Variants in RBM45 observed in about 807,000 individuals in gnomAD.
RBM45 encodes the protein RNA-binding protein 45.
Under a neutral mutation model 58.5 loss-of-function variants are expected in RBM45, and 39 were observed. That is an observed-to-expected ratio of 0.67 (90% CI 0.52 to 0.87). The LOEUF is 0.87. RBM45 is among the 40% of genes least tolerant of loss of function. RBM45 has a pLI of 0.00. For missense variants in RBM45, 481 were observed against 581.6 expected (o/e 0.83, Z 1.78); for synonymous variants, 193 against 203.0 (o/e 0.95, Z 0.42).
chr2:178,112,951 C>A, intron 1 of RBM45, 105 bp downstream of exon 1: 1 of 1,238,374 alleles, frequency 8.1e-7, no homozygotes. Context: ...AACATCCGTT[C>A]CCGGCAGCTG....
Position 178,134,705 on chromosome 2 carries a change from A to G in RBM45, c.*9-1758A>G, listed in dbSNP as rs145774762. Among the ~76,000 whole-genome samples, 650 of 152,242 alleles carry G rather than the reference A, an allele frequency of 4.3e-3. 3 individuals carry two copies. Among genetic ancestry groups the G allele is most frequent in the East Asian group, 0.017 (89 of 5,180 alleles). On this transcript the variant is annotated intron_variant, in intron 3 of 3. Transcript: ENST00000455903. ...TTTTCTCTCTTTGTCAACAAAGCCT[A>G]TCTGGGCCGGGCGCAGTGGCTGACG... is the stretch of plus-strand genomic sequence containing the variant.
At chr2:178,123,984 T>C (rs114559893) in intron 7 of RBM45, 72 bp downstream of exon 7, 18,919 of 1,516,716 alleles carry the variant, frequency 0.012, 230 homozygotes, top group East Asian at 0.055. Flanking sequence ...GAAATCATGC[T>C]TTGTTGATTA....
At chr2:178,130,401 T>C (rs1380691460), downstream of RBM45, among the ~76,000 whole-genome samples, 1 of 152,066 alleles carries the variant, frequency 6.6e-6, no homozygotes, top group African/African-American at 2.4e-5. Flanking sequence ...GGTGTGTGCC[T>C]GCAGTCCCAG....
At chr2:178,113,332 T>A (rs1170185824) in intron 1 of RBM45, among the ~76,000 whole-genome samples, 1 of 152,080 alleles carries the variant, frequency 6.6e-6, no homozygotes, top group Non-Finnish European at 1.5e-5. Context: ...GAGGGACCTC[T>A]GGTGTTGGAC....
downstream of RBM45, among the ~76,000 whole-genome samples, chr2:178,131,397 A>T (rs531799553): frequency 6.6e-6 from 1 of 152,326 alleles, no homozygotes; most frequent in East Asian, 1.9e-4. Flanking sequence ...AATCTTCACA[A>T]TTGAGATAAG....
chr2:178,127,935 G>C (rs2153906346), intron 9 of RBM45, among the ~76,000 whole-genome samples: 1 of 147,454 alleles, frequency 6.8e-6, no homozygotes, highest in South Asian at 2.2e-4. Context: ...ACATGTTAAA[G>C]AGAATATTGG....
chr2:178,117,010 A>T (rs1195399089), intron 2 of RBM45, among the ~76,000 whole-genome samples: 1 of 152,194 alleles, frequency 6.6e-6, no homozygotes, highest in Non-Finnish European at 1.5e-5. Context: ...GGATAATTTT[A>T]TGTCTTTTTA....
chr2:178,124,109 T>C lies in RBM45; in HGVS notation c.1069-18T>C, dbSNP rs369190430. ...AAAGGGCATTTTTTTCTTTTTCTTG[T>C]TTTCTACCTGTTAACAGCAATTTGG... On this transcript the variant is annotated intron_variant, in intron 7 of 9. Transcript: ENST00000286070. The C allele has an allele frequency of 3.8e-6, 6 of 1,575,902 alleles. No individual in the cohort carries two copies. The highest frequency in any genetic ancestry group is 4.3e-6 in the Non-Finnish European group (5 of 1,167,218).
intron 1 of RBM45, among the ~76,000 whole-genome samples, chr2:178,114,304 A>C (rs1390338335): frequency 6.6e-6 from 1 of 152,126 alleles, no homozygotes; most frequent in Non-Finnish European, 1.5e-5. Context: ...CTTAGTGGAG[A>C]GGATTTTTAT....
chr2:178,125,984 T>A lies in RBM45; in HGVS notation c.1233T>A (p.Cys411Ter), dbSNP rs1396544570. The A allele has an allele frequency of 6.2e-7, 1 of 1,610,790 alleles. No individual in the cohort carries two copies. The highest frequency in any genetic ancestry group is 8.5e-7 in the Non-Finnish European group (1 of 1,177,916). ...LPLDVLEDIF[C>*]RFGNLIEVYL... is the part of the protein sequence containing the mutation. ...GATTATTTTTTTCACTTTGTTTCAG[T>A]CGTTTTGGTAACCTGATCGAAGTTT... The change falls in exon 9 of 10, where the codon TGT becomes TGA. Residue 411 changes from cysteine (C) to a stop codon, truncating the protein, a stop_gained and splice_region_variant. Coordinates refer to ENST00000286070, the MANE Select transcript of RBM45 (RefSeq NM_152945.4). LOFTEE classifies it high-confidence loss of function.
intron 8 of RBM45, 145 bp from the exon 9 acceptor site, chr2:178,125,839 T>A: frequency 1.4e-6 from 1 of 716,958 alleles, no homozygotes; most frequent in Non-Finnish European, 2.6e-6. Flanking sequence ...TGAATAGAAT[T>A]GACTGAGATG....
At chr2:178,134,136 T>G (rs777776743), downstream of RBM45, among the ~76,000 whole-genome samples, 3 of 152,194 alleles carry the variant, frequency 2.0e-5, no homozygotes, top group Non-Finnish European at 4.4e-5. Flanking sequence ...GAAGACAGTA[T>G]CTGGATGTCA....
At chr2:178,126,487 A>G (rs2087931157) in intron 9 of RBM45, among the ~76,000 whole-genome samples, 1 of 145,222 alleles carries the variant, frequency 6.9e-6, no homozygotes, top group African/African-American at 2.4e-5. Context: ...GTCCGGTGCT[A>G]GAATAAGGAT....
At chr2:178,136,258 C>T (rs1030921751) in intron 3 of RBM45, among the ~76,000 whole-genome samples, 3 of 152,136 alleles carry the variant, frequency 2.0e-5, no homozygotes, top group South Asian at 2.1e-4. Context: ...TGCAGTGAGC[C>T]GAGATCACGC....
In RBM45 at chr2:178,112,452, C is replaced by T; in HGVS notation, c.-95C>T. On this transcript the variant is annotated 5_prime_UTR_variant, in exon 1 of 10. Coordinates refer to ENST00000286070, the MANE Select transcript of RBM45 (RefSeq NM_152945.4). Reference sequence around the variant, plus strand: ...ACTCCTCTTTCTCCCGGAAGCGGAGCACCGAGCCGGCAAAGGCTTGGGTGT... The same window carrying T: ...ACTCCTCTTTCTCCCGGAAGCGGAGTACCGAGCCGGCAAAGGCTTGGGTGT... The T allele has an allele frequency of 8.2e-7, 1 of 1,217,204 alleles. No homozygotes were observed. Among genetic ancestry groups the T allele is most frequent in the Non-Finnish European group, 1.2e-6 (1 of 859,866 alleles). The allele number at this position is 1,217,204 out of a possible 1,614,324, so 75.4% of individuals were successfully genotyped here.
At chr2:178,127,184 A>G (rs1310346535) in intron 9 of RBM45, among the ~76,000 whole-genome samples, 1 of 152,076 alleles carries the variant, frequency 6.6e-6, no homozygotes, top group African/African-American at 2.4e-5. Flanking sequence ...CGGCCTCCCA[A>G]AGTGCTGGGA....
rs1206111323 is a variant in RBM45, at chr2:178,112,954, G to A, written c.300+108G>A. 8 of 1,206,494 alleles carry A rather than the reference G, an allele frequency of 6.6e-6. No homozygotes were observed. The African/African-American group carries it at 9.1e-5, about 14-fold the overall frequency. The allele number at this position is 1,206,494 out of a possible 1,614,324, so 74.7% of individuals were successfully genotyped here. A position where few individuals can be genotyped will look rare whatever the true frequency, so the allele number is the denominator to read the frequency against. ...AGGGAGGAGTGGAACATCCGTTCCC[G>A]GCAGCTGACCAGACAGCACCTGGCT... On this transcript the variant is annotated intron_variant, in intron 1 of 9. Coordinates refer to ENST00000286070, the MANE Select transcript of RBM45 (RefSeq NM_152945.4).
intron 9 of RBM45, among the ~76,000 whole-genome samples, chr2:178,126,762 ATTT>A (rs1460871559): frequency 1.3e-5 from 2 of 152,148 alleles, no homozygotes; most frequent in Non-Finnish European, 2.9e-5. Context: ...GCATATATGT[ATTT>A]TTTAAGAAAA....
chr2:178,123,596 C>G lies in RBM45; in HGVS notation c.928C>G (p.Pro310Ala), dbSNP rs199636679. The change falls in exon 6 of 10, where the codon CCT becomes GCT. Residue 310 changes from proline (P) to alanine (A), a missense_variant. Physicochemically the swap from Pro to Ala is conservative, Grantham distance 27. Coordinates refer to ENST00000286070, the MANE Select transcript of RBM45 (RefSeq NM_152945.4). ...AKYKLHGFQY[P>A]PGNRIGVSFI... The stretch of plus-strand genomic sequence containing the variant: ...ATACAAATTACATGGATTTCAGTAC[C>G]CTCCTGGGAACCGAATAGGTGTTTC... 395 of 1,610,112 alleles carry G rather than the reference C, an allele frequency of 2.5e-4. No individual in the cohort carries two copies. The highest frequency in any genetic ancestry group is 3.2e-4 in the Non-Finnish European group (375 of 1,178,836).
Sources: gnomAD v4.1 joint callset for allele counts (sites outside exome capture counted in the v4.1 genomes callset) on GRCh38, gnomAD v4.1.1 for gene constraint, MANE v1.5 for transcripts, NCBI Gene and HGNC (gene_info 2026-07-23, HGNC 2026-07-21) for gene names.